Variants in NRF1 observed in about 807,000 individuals in gnomAD.
The protein encoded by NRF1 is alpha palindromic-binding protein.
A neutral mutation model predicts 58.5 loss-of-function variants in NRF1; 5 were observed. That is an observed-to-expected ratio of 0.09 (90% CI 0.04 to 0.18). NRF1 has a LOEUF of 0.18. Among genes scored for constraint, NRF1 ranks in the 10% least tolerant of loss-of-function variants. The pLI is 1.00. For missense variants in NRF1, 288 were observed against 657.7 expected (o/e 0.44, Z 6.15); for synonymous variants, 224 against 246.7 (o/e 0.91, Z 0.86).
chr7:129,707,318 A>G (rs750752236), intron 5 of NRF1, among the ~76,000 whole-genome samples: 1 of 152,102 alleles, frequency 6.6e-6, no homozygotes, highest in Admixed American at 6.5e-5. Flanking sequence ...GTTAATTTAG[A>G]ATTATTTAGC....
intron 3 of NRF1, among the ~76,000 whole-genome samples, chr7:129,673,821 A>G (rs1012570896): frequency 1.3e-5 from 2 of 151,664 alleles, no homozygotes; most frequent in African/African-American, 4.8e-5. Flanking sequence ...CCAGAACTTA[A>G]AGTAAAATTA....
chr7:129,714,758 G>A (rs1383938191), intron 8 of NRF1, among the ~76,000 whole-genome samples: 4 of 152,130 alleles, frequency 2.6e-5, no homozygotes, highest in South Asian at 2.1e-4. Flanking sequence ...AGAGGCTTTT[G>A]GCAAACATTC....
At chr7:129,661,275 T>C (rs1801774602) in intron 2 of NRF1, among the ~76,000 whole-genome samples, 1 of 151,308 alleles carries the variant, frequency 6.6e-6, no homozygotes, top group South Asian at 2.1e-4. Flanking sequence ...CCTGGAGACA[T>C]TTTTTCCATT....
chr7:129,727,942 C>T (rs948380325), intron 10 of NRF1, among the ~76,000 whole-genome samples: 7 of 152,136 alleles, frequency 4.6e-5, no homozygotes, highest in African/African-American at 1.7e-4. Context: ...AGCTCTTTGA[C>T]TTCCTGGACA....
chr7:129,690,605 C>A, intron 5 of NRF1, 59 bp downstream of exon 5: 2 of 1,579,364 alleles, frequency 1.3e-6, no homozygotes, highest in Non-Finnish European at 8.7e-7. Context: ...GTGGGCGGGC[C>A]TCTGATCACT....
intron 10 of NRF1, chr7:129,735,391 G>A (rs6955093): frequency 1.3e-5 from 3 of 237,602 alleles, no homozygotes; most frequent in Non-Finnish European, 2.0e-5. Flanking sequence ...TTAGCCGGGC[G>A]TGGTGGCACA....
At chr7:129,639,407 A>G (rs2151066530) in intron 1 of NRF1, among the ~76,000 whole-genome samples, 1 of 152,308 alleles carries the variant, frequency 6.6e-6, no homozygotes, top group East Asian at 1.9e-4. Flanking sequence ...ATTTATATAA[A>G]TAATAATTTG....
At chr7:129,750,757 T>C (rs1804096479) in intron 10 of NRF1, among the ~76,000 whole-genome samples, 1 of 152,174 alleles carries the variant, frequency 6.6e-6, no homozygotes, top group Non-Finnish European at 1.5e-5. Flanking sequence ...ATGGAATCTT[T>C]CAAAAACAGC....
intron 1 of NRF1, among the ~76,000 whole-genome samples, chr7:129,617,694 G>C (rs1800686098): frequency 6.6e-6 from 1 of 152,184 alleles, no homozygotes; most frequent in Admixed American, 6.5e-5. Flanking sequence ...CAAACAAAGA[G>C]TGGTGTGGGA....
At chr7:129,685,257 A>G (rs928149768) in intron 4 of NRF1, among the ~76,000 whole-genome samples, 1 of 152,176 alleles carries the variant, frequency 6.6e-6, no homozygotes, top group Admixed American at 6.5e-5. Context: ...TATAGCAAAC[A>G]TTTTGAAAAT....
intron 1 of NRF1, among the ~76,000 whole-genome samples, chr7:129,623,989 T>C (rs1285739980): frequency 1.3e-5 from 2 of 152,256 alleles, no homozygotes; most frequent in African/African-American, 2.4e-5. Flanking sequence ...AAGCAAGAGC[T>C]AATTCTCACT....
At chr7:129,742,655 A>G (rs560757664) in intron 10 of NRF1, among the ~76,000 whole-genome samples, 4 of 152,324 alleles carry the variant, frequency 2.6e-5, no homozygotes, top group South Asian at 4.1e-4. Flanking sequence ...TTAGGTGAAT[A>G]CAAAGCATCC....
chr7:129,681,506 A>C (rs1254635435), intron 4 of NRF1, among the ~76,000 whole-genome samples: 1 of 152,244 alleles, frequency 6.6e-6, no homozygotes, highest in Non-Finnish European at 1.5e-5. Flanking sequence ...GACAAAGCCT[A>C]ATTGTCAAGG....
chr7:129,735,334 A>G, intron 10 of NRF1: 2 of 588,708 alleles, frequency 3.4e-6, no homozygotes, highest in Non-Finnish European at 4.3e-6. Flanking sequence ...GTTCGAGACC[A>G]GCCTGGCCAA....
intron 9 of NRF1, among the ~76,000 whole-genome samples, chr7:129,725,704 TAG>T (rs1259726844): frequency 2.0e-5 from 3 of 152,230 alleles, no homozygotes; most frequent in African/African-American, 4.8e-5. Flanking sequence ...TTATACTTAA[TAG>T]AGTTTGCTCA....
intron 4 of NRF1, among the ~76,000 whole-genome samples, chr7:129,686,970 AT>A (rs1257780274): frequency 1.3e-5 from 2 of 152,218 alleles, no homozygotes; most frequent in African/African-American, 4.8e-5. Flanking sequence ...ATCACTTAGA[AT>A]TTTTATTTTC....
At chr7:129,628,815 C>T (rs1161258099) in intron 1 of NRF1, among the ~76,000 whole-genome samples, 1 of 152,218 alleles carries the variant, frequency 6.6e-6, no homozygotes, top group East Asian at 1.9e-4. Flanking sequence ...ACTACTCTTA[C>T]ATTAAAACCT....
intron 1 of NRF1, among the ~76,000 whole-genome samples, chr7:129,652,296 G>A (rs977042383): frequency 6.6e-6 from 1 of 152,168 alleles, no homozygotes; most frequent in African/African-American, 2.4e-5. Context: ...GTGTAGTGCT[G>A]TATACTGTTA....
At chr7:129,628,034 CTTTTTTTTTTTTTTTTTT>C (rs67262888) in intron 1 of NRF1, among the ~76,000 whole-genome samples, 1 of 72,054 alleles carries the variant, frequency 1.4e-5, no homozygotes, top group African/African-American at 4.7e-5. Flanking sequence ...GCCAATGGTT[CTTTTTTTTTTTTTTTTTT>C]TTTTTTTTTG....
Sources: gnomAD v4.1 joint callset for allele counts (sites outside exome capture counted in the v4.1 genomes callset) on GRCh38, gnomAD v4.1.1 for gene constraint, MANE v1.5 for transcripts, NCBI Gene and HGNC (gene_info 2026-07-23, HGNC 2026-07-21) for gene names.